FOCAD: variants seen among roughly 807,000 people sequenced by gnomAD.
FOCAD encodes KIAA1797.
FOCAD carries 198 observed loss-of-function variants against 225.6 expected under a neutral mutation model. That is an observed-to-expected ratio of 0.88 (90% CI 0.78 to 0.99). The LOEUF (loss-of-function observed/expected upper bound fraction) is 0.99, where lower values mean the gene tolerates loss of function less well. Ranked by LOEUF, FOCAD falls within the 50% of genes least tolerant of loss-of-function variation. The probability of loss-of-function intolerance (pLI) is 0.00; values close to 1 mark genes in which losing one functional copy is unlikely to be tolerated. For synonymous variants in FOCAD, 897 were observed against 755.0 expected (o/e 1.19, Z -3.08); for missense variants, 2,713 against 2,123.6 (o/e 1.28, Z -5.46).
chr9:20,821,273 T>A (rs376873941), intron 14 of FOCAD, among the ~76,000 whole-genome samples: 1 of 152,088 alleles, frequency 6.6e-6, no homozygotes, highest in Admixed American at 6.6e-5. Flanking sequence ...TCAGGACTAG[T>A]CTTGTATCTA....
intron 33 of FOCAD, 83 bp downstream of exon 33, chr9:20,949,758 T>A: frequency 1.7e-6 from 2 of 1,170,590 alleles, no homozygotes; most frequent in Non-Finnish European, 2.5e-6. Context: ...TACAACATGT[T>A]TTACCTGGAA....
At chr9:20,710,229 ATTTTTT>A (rs749860355) in intron 1 of FOCAD, among the ~76,000 whole-genome samples, 3 of 102,290 alleles carry the variant, frequency 2.9e-5, no homozygotes, top group African/African-American at 7.5e-5. Context: ...AGTAGCTGAG[ATTTTTT>A]TTTTTTTTTT....
chr9:20,823,841 T>C (rs1365499437), intron 15 of FOCAD, among the ~76,000 whole-genome samples: 5 of 152,128 alleles, frequency 3.3e-5, no homozygotes, highest in Non-Finnish European at 7.4e-5. Flanking sequence ...TCTGATAATA[T>C]AAGTGACAGC....
At chr9:20,941,353 A>G (rs1320387812) in intron 28 of FOCAD, among the ~76,000 whole-genome samples, 1 of 152,218 alleles carries the variant, frequency 6.6e-6, no homozygotes, top group Non-Finnish European at 1.5e-5. Flanking sequence ...GCTTTGGTTA[A>G]TTACTACTGA....
chr9:20,757,299 T>A (rs1266984728), intron 5 of FOCAD, among the ~76,000 whole-genome samples: 1 of 152,240 alleles, frequency 6.6e-6, no homozygotes, highest in Non-Finnish European at 1.5e-5. Flanking sequence ...GTATAGTACT[T>A]AATAGTTTAA....
intron 28 of FOCAD, among the ~76,000 whole-genome samples, chr9:20,941,444 A>C (rs868583850): frequency 6.6e-6 from 1 of 152,164 alleles, no homozygotes; most frequent in Non-Finnish European, 1.5e-5. Context: ...TATTAGAACT[A>C]ATTATTAGAT....
intron 39 of FOCAD, among the ~76,000 whole-genome samples, chr9:20,985,607 A>T (rs1470179567): frequency 2.0e-5 from 3 of 152,188 alleles, no homozygotes; most frequent in African/African-American, 7.2e-5. Flanking sequence ...GCTATTTCAC[A>T]GCCTAATCTT....
chr9:20,693,166 ACT>A (rs982063572), intron 1 of FOCAD, among the ~76,000 whole-genome samples: 2 of 151,118 alleles, frequency 1.3e-5, no homozygotes, highest in African/African-American at 4.9e-5. Flanking sequence ...ATTTACAGCC[ACT>A]CTCTCTCTCT....
intron 37 of FOCAD, 62 bp downstream of exon 37, chr9:20,978,516 A>G: frequency 8.7e-7 from 1 of 1,152,580 alleles, no homozygotes; most frequent in South Asian, 1.5e-5. Context: ...GGATATTAAC[A>G]TTCATTTGGG....
intron 7 of FOCAD, 75 bp from the exon 8 acceptor site, chr9:20,769,957 A>C: frequency 7.3e-7 from 1 of 1,368,550 alleles, no homozygotes; most frequent in South Asian, 1.3e-5. Context: ...ACATTGTTCA[A>C]AGCTTTTTGT....
At chr9:20,926,128 T>C (rs537352968) in intron 25 of FOCAD, among the ~76,000 whole-genome samples, 173 bp from the exon 26 acceptor site, 1 of 148,492 alleles carries the variant, frequency 6.7e-6, no homozygotes, top group Non-Finnish European at 1.5e-5. Context: ...GATGTATATT[T>C]GTCAACTACC....
intron 11 of FOCAD, among the ~76,000 whole-genome samples, chr9:20,815,648 T>C (rs561039136): frequency 2.0e-5 from 3 of 152,184 alleles, no homozygotes; most frequent in Admixed American, 2.0e-4. Context: ...ATAAATTAAT[T>C]TGTTTATCAA....
At chr9:20,804,090 T>A (rs1316336717) in intron 11 of FOCAD, among the ~76,000 whole-genome samples, 1 of 152,046 alleles carries the variant, frequency 6.6e-6, no homozygotes, top group Non-Finnish European at 1.5e-5. Flanking sequence ...GAAGGTGGGT[T>A]CGATTCACAC....
chr9:20,765,097 A>C, intron 7 of FOCAD, 24 bp downstream of exon 7: 1 of 1,594,298 alleles, frequency 6.3e-7, no homozygotes. Context: ...CCTCCTCCAC[A>C]AATATAGGTC....
intron 28 of FOCAD, among the ~76,000 whole-genome samples, chr9:20,944,137 T>C (rs1836940028): frequency 6.6e-6 from 1 of 152,226 alleles, no homozygotes; most frequent in Non-Finnish European, 1.5e-5. Context: ...CATGAAACAC[T>C]TAGTAGTACC....
intron 16 of FOCAD, among the ~76,000 whole-genome samples, chr9:20,864,890 CA>C (rs1483599343): frequency 6.6e-6 from 1 of 152,084 alleles, no homozygotes; most frequent in Non-Finnish European, 1.5e-5. Flanking sequence ...AGGAAGGTAT[CA>C]TTTTTTATTG....
chr9:20,762,168 A>G (rs1289131036), intron 6 of FOCAD, among the ~76,000 whole-genome samples: 2 of 152,208 alleles, frequency 1.3e-5, no homozygotes, highest in African/African-American at 4.8e-5. Context: ...GATAGTATTT[A>G]TTCTTTGGGG....
At chr9:20,807,717 A>G (rs1210514973) in intron 11 of FOCAD, among the ~76,000 whole-genome samples, 1 of 152,186 alleles carries the variant, frequency 6.6e-6, no homozygotes, top group Non-Finnish European at 1.5e-5. Context: ...ACAAATTCCC[A>G]ATGCTCACTT....
chr9:20,759,671 T>C (rs1369346136), intron 6 of FOCAD, among the ~76,000 whole-genome samples: 1 of 152,028 alleles, frequency 6.6e-6, no homozygotes, highest in Admixed American at 6.6e-5. Context: ...TCATGTCAGG[T>C]TGTAGTTTTC....
Sources: allele counts gnomAD v4.1 joint callset (sites outside exome capture counted in the v4.1 genomes callset), GRCh38; gene constraint gnomAD v4.1.1; transcripts MANE v1.5; gene names NCBI Gene and HGNC (gene_info 2026-07-23, HGNC 2026-07-21).